The following EXOSC8 variants were observed in gnomAD, a reference collection of about 807,000 sequenced individuals.
EXOSC8 encodes the protein exosome component 8, also known as exosome complex component RRP43.
A neutral mutation model predicts 39.9 loss-of-function variants in EXOSC8; 37 were observed. That is an observed-to-expected ratio of 0.93 (90% confidence interval 0.71 to 1.22). The LOEUF is 1.22. Ranked by LOEUF, EXOSC8 falls within the 50% of genes most tolerant of loss-of-function variation. The probability of loss-of-function intolerance (pLI) is 0.00; values close to 1 mark genes in which losing one functional copy is unlikely to be tolerated. For synonymous variants in EXOSC8, 93 were observed against 109.5 expected, an observed-to-expected ratio of 0.85 and a Z score of 0.94; for missense variants, 313 against 326.6, an observed-to-expected ratio of 0.96 and a Z score of 0.32.
chr13:37,006,491 G>A (rs1170249757), intron 7 of EXOSC8, among the ~76,000 whole-genome samples: 1 of 151,392 alleles, frequency 6.6e-6, no homozygotes, highest in Non-Finnish European at 1.5e-5. Flanking sequence ...TATGTTTATG[G>A]TGAATCCACA....
intron 5 of EXOSC8, 119 bp from the exon 6 acceptor site, chr13:37,005,801 T>G: frequency 3.6e-6 from 2 of 550,550 alleles, no homozygotes; most frequent in African/African-American, 2.0e-5. Flanking sequence ...GAGGTAGAGG[T>G]TGCAGTAAGC....
intron 1 of EXOSC8, 147 bp downstream of exon 1, chr13:37,000,969 C>T (rs1324868406): frequency 1.1e-5 from 11 of 1,029,328 alleles, no homozygotes; most frequent in African/African-American, 1.6e-5. Flanking sequence ...GGCGGGAGGA[C>T]CTGGAGGTTG....
In EXOSC8 at chr13:37,002,283, C is replaced by T. The variant is rs764347456; in HGVS notation, c.28C>T (p.Pro10Ser). The change falls in exon 2 of 11, where the codon CCT becomes TCT. Residue 10 changes from proline to serine, a missense_variant. Transcript: ENST00000389704. Reference sequence around the variant, plus strand: ...TAACACGTGTTTCAGAACCGTGGAACCTCTGGAGTATTACAGGAGATTTCT... The same window carrying T: ...TAACACGTGTTTCAGAACCGTGGAATCTCTGGAGTATTACAGGAGATTTCT... MAAGFKTVE[P>S]LEYYRRFLKE... 4 of 1,608,642 alleles carry T rather than the reference C, an allele frequency of 2.5e-6. No individual in the cohort carries two copies. Among genetic ancestry groups the T allele is most frequent in the Admixed American group, 3.3e-5 (2 of 59,966 alleles).
At position 37,002,488 on chromosome 13, in the gene EXOSC8, A is replaced by G. The variant is rs2059113084; in HGVS notation, c.55A>G (p.Lys19Glu). 1 of 1,559,484 alleles carries G rather than the reference A, an allele frequency of 6.4e-7. No homozygotes were observed. The highest frequency in any genetic ancestry group is 1.8e-5 in the Admixed American group (1 of 54,700). ...EPLEYYRRFL[K>E]ENCRPDGREL... is the part of the protein sequence containing the mutation. Reference sequence around the variant, plus strand: ...TTTTTATATAAACATATTTATTTAGAAAGAGAACTGCCGTCCTGATGGAAG... The same window carrying G: ...TTTTTATATAAACATATTTATTTAGGAAGAGAACTGCCGTCCTGATGGAAG... The change falls in exon 3 of 11, where the codon AAA becomes GAA. Residue 19 changes from lysine (K) to glutamate (E), a missense_variant and splice_region_variant. By Grantham distance (56) the Lys-to-Glu change is moderately conservative. Coordinates refer to ENST00000389704, the MANE Select transcript of EXOSC8 (RefSeq NM_181503.3).
chr13:37,008,591 C>T (rs902903352), intron 9 of EXOSC8, 138 bp from the exon 10 acceptor site: 2 of 617,638 alleles, frequency 3.2e-6, no homozygotes, highest in Non-Finnish European at 2.8e-6. Flanking sequence ...CCTGTCTCTA[C>T]TAAAAACACA....
At position 37,002,261 on chromosome 13, in the gene EXOSC8, C is replaced by T; in HGVS notation, c.18-12C>T. ...CAGTTTATCTCAGATATATTTTTAA[C>T]ACGTGTTTCAGAACCGTGGAACCTC... On this transcript the variant is annotated splice_polypyrimidine_tract_variant and intron_variant, in intron 1 of 10. Transcript: ENST00000389704. 6.3e-7 allele frequency: 1 copy of T among 1,597,330 alleles called. No individual in the cohort carries two copies. Among genetic ancestry groups the T allele is most frequent in the South Asian group, 1.1e-5 (1 of 90,002 alleles).
At chr13:37,008,858 CTAAACA>C in intron 10 of EXOSC8, 23 bp downstream of exon 10, 3 of 1,447,048 alleles carry the variant, frequency 2.1e-6, no homozygotes, top group Admixed American at 3.3e-5. Context: ...CACTTCAGTC[CTAAACA>C]TATGTAGATG....
Position 37,009,283 on chromosome 13 carries a change from G to A in EXOSC8, c.815G>A (p.Ser272Asn). 1 of 1,595,900 alleles carries A rather than the reference G, an allele frequency of 6.3e-7. No homozygotes were observed. Among genetic ancestry groups the A allele is most frequent in the African/African-American group, 1.3e-5 (1 of 74,640 alleles). Residue 272 changes from serine to asparagine, a missense_variant, in exon 11 of 11, where the codon AGT (serine) becomes AAT (asparagine). Physicochemically the swap from Ser to Asn is conservative, Grantham distance 46. Transcript: ENST00000389704. Reference sequence around the variant, plus strand: ...AAACTGATGGATGAAGTAATTAAGAGTATGAAACCCAAATAAACAGCCACC... The same window carrying A: ...AAACTGATGGATGAAGTAATTAAGAATATGAAACCCAAATAAACAGCCACC... Reference protein sequence around the residue: ...VKKLMDEVIKSMKPK With the variant: ...VKKLMDEVIKNMKPK
At position 37,009,341 on chromosome 13, in the gene EXOSC8, T is replaced by G. The variant is rs117340034; in HGVS notation, c.*42T>G. 9.4e-4 allele frequency: 1,051 copies of G among 1,123,170 alleles called. 22 individuals carry two copies. The East Asian group carries it at 0.024, about 25-fold the overall frequency. 69.6% of individuals were successfully genotyped at this position (1,123,170 alleles called of 1,614,324 possible). ...CAAAACAGATTTGTAAAAATTGTAT[T>G]TGTTAACACTGTGCACAAACGTTTT... On this transcript the variant is annotated 3_prime_UTR_variant, in exon 11 of 11. Coordinates refer to ENST00000389704, the MANE Select transcript of EXOSC8 (RefSeq NM_181503.3).
chr13:37,007,983 A>T (rs2059159198), intron 8 of EXOSC8, 74 bp from the exon 9 acceptor site: 2 of 1,139,730 alleles, frequency 1.8e-6, no homozygotes, highest in Non-Finnish European at 2.6e-6. Context: ...GGAAAGGTGA[A>T]TTAAAAAAAA....
chr13:37,004,644 G>C, intron 5 of EXOSC8, 83 bp downstream of exon 5: 1 of 841,780 alleles, frequency 1.2e-6, no homozygotes, highest in Non-Finnish European at 1.9e-6. Context: ...TTAAGTTGAT[G>C]TAAAGAAAAT....
intron 7 of EXOSC8, among the ~76,000 whole-genome samples, chr13:37,006,716 C>G (rs1319830602): frequency 1.3e-5 from 2 of 152,232 alleles, no homozygotes; most frequent in African/African-American, 4.8e-5. Context: ...CCTTCTACAT[C>G]TGTAGCTCCA....
chr13:37,002,859 TAATTTTA>T, intron 3 of EXOSC8, 68 bp from the exon 4 acceptor site: 1 of 1,003,974 alleles, frequency 1.0e-6, no homozygotes, highest in Non-Finnish European at 1.6e-6. Context: ...CTAAAACACT[TAATTTTA>T]ATTATTATGT....
At chr13:37,005,404 T>C (rs1245873818) in intron 5 of EXOSC8, among the ~76,000 whole-genome samples, 1 of 151,928 alleles carries the variant, frequency 6.6e-6, no homozygotes, top group Non-Finnish European at 1.5e-5. Context: ...AAAAGGCATA[T>C]GGGGGAAAAA....
At chr13:37,007,155 C>G in intron 8 of EXOSC8, 84 bp downstream of exon 8, 1 of 833,962 alleles carries the variant, frequency 1.2e-6, no homozygotes, top group Non-Finnish European at 2.1e-6. Flanking sequence ...CATTTGCTTT[C>G]GTATGCTTCC....
In EXOSC8 at chr13:37,008,624, G is replaced by A. The variant is rs1026490642; in HGVS notation, c.609-105G>A. 1.1e-4 allele frequency: 77 copies of A among 709,612 alleles called. No individual in the cohort carries two copies. In the African/African-American group the frequency reaches 1.1e-3, roughly 10 times the overall value. The allele number at this position is 709,612 out of a possible 1,614,324, so 44.0% of individuals were successfully genotyped here. A position where few individuals can be genotyped will look rare whatever the true frequency, so the allele number is the denominator to read the frequency against. ...ACAAAAATTAGCTGGGTGTGATGGC[G>A]TGTGCCTGTTAATTCCAGCTACTTG... is the stretch of plus-strand genomic sequence containing the variant. On this transcript the variant is annotated intron_variant, in intron 9 of 10. Transcript: ENST00000389704.
chr13:37,001,081 T>C lies in EXOSC8; in HGVS notation c.17+259T>C, dbSNP rs1407444293. ...GAGCGCTCGTGAGCGTGGTGTGTAG[T>C]GAACGTGCAGTCCCAGGAGACATAG... On this transcript the variant is annotated intron_variant, in intron 1 of 10. Transcript: ENST00000389704. Among the ~76,000 whole-genome samples the C allele has an allele frequency of 2.0e-5, 3 of 152,126 alleles. No individual in the cohort carries two copies. In the East Asian group the frequency reaches 5.8e-4, roughly 29 times the overall value.
At position 37,005,941 on chromosome 13, in the gene EXOSC8, C is replaced by T; in HGVS notation, c.260C>T (p.Pro87Leu). The T allele has an allele frequency of 6.2e-7, 1 of 1,607,628 alleles. No homozygotes were observed. ...TCAGTTCCTAATGTGGATCTACCAC[C>T]CCTGTGTTCATCGAGATTCCGGTCT... ...GYVVPNVDLP[P>L]LCSSRFRSGP... Residue 87 changes from proline to leucine, a missense_variant, in exon 6 of 11, where the codon CCC becomes CTC. Coordinates refer to ENST00000389704, the MANE Select transcript of EXOSC8 (RefSeq NM_181503.3).
intron 1 of EXOSC8, 95 bp downstream of exon 1, chr13:37,000,917 C>T (rs774835642): frequency 4.4e-6 from 6 of 1,374,598 alleles, no homozygotes; most frequent in Non-Finnish European, 4.8e-6. Flanking sequence ...GGAGGCCGAC[C>T]CCGTTGGGGT....
Sources: allele counts gnomAD v4.1 joint callset (sites outside exome capture counted in the v4.1 genomes callset), GRCh38; gene constraint gnomAD v4.1.1; transcripts MANE v1.5; gene names NCBI Gene and HGNC (gene_info 2026-07-23, HGNC 2026-07-21).